Variants in NUDCD1 observed in about 807,000 individuals in gnomAD.
NUDCD1 encodes NudC domain containing 1.
In NUDCD1, 60 loss-of-function variants were observed where a neutral mutation model predicts 67.8. That is an observed-to-expected ratio of 0.88 (90% CI 0.72 to 1.10). NUDCD1 has a LOEUF of 1.10. NUDCD1 is among the 50% of genes least tolerant of loss of function. NUDCD1 has a pLI of 0.00. For missense variants in NUDCD1, 643 were observed against 695.0 expected, an observed-to-expected ratio of 0.93 and a Z score of 0.84; for synonymous variants, 244 against 230.8, an observed-to-expected ratio of 1.06 and a Z score of -0.52.
At chr8:109,312,226 C>T (rs1020222705) in intron 2 of NUDCD1, among the ~76,000 whole-genome samples, 4 of 145,470 alleles carry the variant, frequency 2.7e-5, no homozygotes, top group East Asian at 2.1e-4. Context: ...TGCTTGAACA[C>T]GGAGGCAGAG....
At chr8:109,257,140 T>G (rs1813758811) in intron 8 of NUDCD1, among the ~76,000 whole-genome samples, 1 of 152,080 alleles carries the variant, frequency 6.6e-6, no homozygotes, top group African/African-American at 2.4e-5. Context: ...GCATCTAATA[T>G]CCTAGCTAGT....
chr8:109,255,248 A>G (rs930010129), intron 8 of NUDCD1, among the ~76,000 whole-genome samples: 32 of 152,176 alleles, frequency 2.1e-4, no homozygotes, highest in Non-Finnish European at 2.1e-4. Flanking sequence ...TAGTTTTGTC[A>G]GTTAAGTTGT....
chr8:109,290,312 T>C (rs560311149), intron 4 of NUDCD1, among the ~76,000 whole-genome samples: 1 of 152,272 alleles, frequency 6.6e-6, no homozygotes, highest in African/African-American at 2.4e-5. Flanking sequence ...AACATGTCCA[T>C]CTTGGAGAAA....
intron 8 of NUDCD1, among the ~76,000 whole-genome samples, chr8:109,256,608 C>A (rs958711361): frequency 2.0e-5 from 3 of 152,028 alleles, no homozygotes; most frequent in African/African-American, 7.2e-5. Context: ...TCTACTAAAT[C>A]CTTTAAAAAG....
chr8:109,293,608 T>C, intron 3 of NUDCD1, 84 bp from the exon 4 acceptor site: 1 of 638,446 alleles, frequency 1.6e-6, no homozygotes, highest in Middle Eastern at 3.9e-4. Context: ...AGGATTCTGG[T>C]GATTCAACAG....
chr8:109,268,424 CTGTAA>C (rs972866387), intron 8 of NUDCD1, among the ~76,000 whole-genome samples: 3 of 152,076 alleles, frequency 2.0e-5, no homozygotes, highest in Non-Finnish European at 4.4e-5. Flanking sequence ...AGCTTTGGTA[CTGTAA>C]TGTATCAGTA....
At chr8:109,294,933 T>C (rs1814807011) in intron 3 of NUDCD1, among the ~76,000 whole-genome samples, 1 of 152,042 alleles carries the variant, frequency 6.6e-6, no homozygotes, top group African/African-American at 2.4e-5. Flanking sequence ...GTGACCAATA[T>C]TCCACAGTAT....
intron 2 of NUDCD1, chr8:109,313,782 T>C: frequency 1.4e-6 from 1 of 732,392 alleles, no homozygotes; most frequent in East Asian, 6.4e-5. Context: ...TTTTAAGCCA[T>C]TTTCTTTAAA....
chr8:109,286,888 C>A (rs1814586205), intron 5 of NUDCD1, among the ~76,000 whole-genome samples: 1 of 152,070 alleles, frequency 6.6e-6, no homozygotes, highest in Non-Finnish European at 1.5e-5. Flanking sequence ...AGTCTAATAT[C>A]AAGGCTCTAT....
At chr8:109,300,305 G>C (rs1814954668) in intron 2 of NUDCD1, among the ~76,000 whole-genome samples, 1 of 151,298 alleles carries the variant, frequency 6.6e-6, no homozygotes, top group Admixed American at 6.6e-5. Flanking sequence ...AGCTAATCAG[G>C]GAGGCATCAG....
intron 8 of NUDCD1, among the ~76,000 whole-genome samples, chr8:109,270,304 G>C (rs1161150551): frequency 1.3e-5 from 2 of 150,854 alleles, no homozygotes; most frequent in African/African-American, 2.4e-5. Flanking sequence ...AAAAGAAATA[G>C]TTATTACATA....
At chr8:109,288,283 C>A (rs1456165256) in intron 5 of NUDCD1, among the ~76,000 whole-genome samples, 3 of 152,160 alleles carry the variant, frequency 2.0e-5, no homozygotes, top group Non-Finnish European at 4.4e-5. Flanking sequence ...TGTCTTGGAA[C>A]TGCATGGTTC....
intron 8 of NUDCD1, among the ~76,000 whole-genome samples, chr8:109,251,329 C>T (rs1192094072): frequency 6.6e-6 from 1 of 151,792 alleles, no homozygotes; most frequent in Non-Finnish European, 1.5e-5. Context: ...CCCACCACCA[C>T]GCCTGGTTAA....
intron 6 of NUDCD1, among the ~76,000 whole-genome samples, chr8:109,276,393 G>GCCATCTTTCGTACACATGTA (rs1380429371): frequency 1.3e-5 from 2 of 152,140 alleles, no homozygotes; most frequent in African/African-American, 4.8e-5. Context: ...TTTTCCATGT[G>GCCATCTTTCGTACACATGTA]CCATCTTTCG....
intron 1 of NUDCD1, among the ~76,000 whole-genome samples, chr8:109,324,410 A>T (rs1815618904): frequency 6.6e-6 from 1 of 152,082 alleles, no homozygotes; most frequent in South Asian, 2.1e-4. Context: ...AAAAAATAAC[A>T]AATGCTGGCA....
At position 109,293,545 on chromosome 8, in the gene NUDCD1, C is replaced by T. The variant is rs767763067; in HGVS notation, c.460-21G>A. On this transcript the variant is annotated intron_variant, in intron 3 of 9. Transcript: ENST00000239690. Reference sequence around the variant, plus strand: ...ATAATCTACAAAACAAAATTACACACACAAAAAAGTGTACATAATTACATG... The same window carrying T: ...ATAATCTACAAAACAAAATTACACATACAAAAAAGTGTACATAATTACATG... 1.0e-5 allele frequency: 14 copies of T among 1,373,902 alleles called. No individual in the cohort carries two copies. The Admixed American group carries it at 1.2e-4, about 12-fold the overall frequency. The allele number at this position is 1,373,902 out of a possible 1,614,324, so 85.1% of individuals were successfully genotyped here.
intron 8 of NUDCD1, among the ~76,000 whole-genome samples, chr8:109,259,121 G>A (rs1193690135): frequency 6.6e-6 from 1 of 152,160 alleles, no homozygotes; most frequent in Non-Finnish European, 1.5e-5. Context: ...ACTATTTCAA[G>A]GATGTTTGTA....
chr8:109,262,541 C>T lies in NUDCD1; in HGVS notation c.1299+8464G>A, dbSNP rs140625987. On this transcript the variant is annotated intron_variant, in intron 8 of 9. Transcript: ENST00000239690. ...TGAAAACCAACCAGTCAGAGCTCAC[C>T]TGCCCTGGTCAATCAGGGCTCAGCT... Among the ~76,000 whole-genome samples the T allele has an allele frequency of 3.2e-3, 494 of 152,302 alleles. 3 individuals are homozygous for T. The highest frequency in any genetic ancestry group is 3.9e-3 in the Non-Finnish European group (263 of 68,020).
intron 8 of NUDCD1, among the ~76,000 whole-genome samples, chr8:109,269,861 A>G (rs1477961002): frequency 6.6e-6 from 1 of 151,504 alleles, no homozygotes; most frequent in East Asian, 1.9e-4. Context: ...CTGCTCACAT[A>G]AACAACTCTA....
Sources: allele counts gnomAD v4.1 joint callset (sites outside exome capture counted in the v4.1 genomes callset), GRCh38; gene constraint gnomAD v4.1.1; transcripts MANE v1.5; gene names NCBI Gene and HGNC (gene_info 2026-07-23, HGNC 2026-07-21).